PCSK9: variants seen among roughly 807,000 people sequenced by gnomAD.
PCSK9 encodes the protein proprotein convertase subtilisin/kexin type 9, also known as convertase subtilisin/kexin type 9 preproprotein.
A neutral mutation model predicts 62.1 loss-of-function variants in PCSK9; 57 were observed. That is an observed-to-expected ratio of 0.92 (90% CI 0.74 to 1.14). The LOEUF (loss-of-function observed/expected upper bound fraction) is 1.14, where lower values mean the gene tolerates loss of function less well. PCSK9 is among the 50% of genes most tolerant of loss of function. The pLI is 0.00. For missense variants in PCSK9, 870 were observed against 959.8 expected, an observed-to-expected ratio of 0.91 and a Z score of 1.24; for synonymous variants, 387 against 409.4, an observed-to-expected ratio of 0.95 and a Z score of 0.66.
intron 5 of PCSK9, among the ~76,000 whole-genome samples, chr1:55,053,535 T>C (rs2100302098): frequency 6.6e-6 from 1 of 151,824 alleles, no homozygotes; most frequent in South Asian, 2.1e-4. Context: ...CTGGGAAAAC[T>C]GTCAGCTCTG....
At chr1:55,063,319 G>T (rs752444294) in intron 11 of PCSK9, 50 bp from the exon 12 acceptor site, 2 of 1,573,122 alleles carry the variant, frequency 1.3e-6, no homozygotes, top group Admixed American at 1.8e-5. Context: ...TGTGGGTGGG[G>T]GTCCCGGGCC....
At position 55,063,913 on chromosome 1, in the gene PCSK9, T is replaced by C. The variant is rs957586588; in HGVS notation, c.*329T>C. On this transcript the variant is annotated 3_prime_UTR_variant, in exon 12 of 12. Coordinates refer to ENST00000302118, the MANE Select transcript of PCSK9 (RefSeq NM_174936.4). ...CGATGTCCGTGGGCAGAATGACTTT[T>C]ATTGAGCTCTTGTTCCGTGCCAGGC... 1 of 400,796 alleles carries C rather than the reference T, an allele frequency of 2.5e-6. No individual in the cohort carries two copies. Among genetic ancestry groups the C allele is most frequent in the African/African-American group, 2.0e-5 (1 of 49,960 alleles). The allele number at this position is 400,796 out of a possible 1,614,324, so 24.8% of individuals were successfully genotyped here.
chr1:55,061,663 G>T, intron 11 of PCSK9, 107 bp downstream of exon 11: 1 of 1,399,698 alleles, frequency 7.1e-7, no homozygotes, highest in South Asian at 1.2e-5. Context: ...TCAGGGTGGC[G>T]GTTTGCCAGG....
At chr1:55,058,355 C>G in intron 8 of PCSK9, 144 bp from the exon 9 acceptor site, 1 of 1,503,686 alleles carries the variant, frequency 6.7e-7, no homozygotes, top group South Asian at 1.2e-5. Context: ...TCTGAAAGGG[C>G]TGTGCAATAT....
intron 1 of PCSK9, among the ~76,000 whole-genome samples, chr1:55,043,352 C>T (rs962897340): frequency 6.6e-6 from 1 of 152,184 alleles, no homozygotes; most frequent in Non-Finnish European, 1.5e-5. Flanking sequence ...GTGGTCTCTA[C>T]AATACAGCAG....
At chr1:55,057,967 G>A in intron 7 of PCSK9, 69 bp from the exon 8 acceptor site, 1 of 1,588,084 alleles carries the variant, frequency 6.3e-7, no homozygotes, top group Non-Finnish European at 8.6e-7. Flanking sequence ...TGTGTGCACT[G>A]GCAGGAGTCC....
Position 55,039,730 on chromosome 1 carries a change from C to G in PCSK9, c.-108C>G. 1 of 1,321,388 alleles carries G rather than the reference C, an allele frequency of 7.6e-7. No individual in the cohort carries two copies. The highest frequency in any genetic ancestry group is 2.6e-4 in the Middle Eastern group (1 of 3,876). 81.9% of individuals were successfully genotyped at this position (1,321,388 alleles called of 1,614,324 possible). A position where few individuals can be genotyped will look rare whatever the true frequency, so the allele number is the denominator to read the frequency against. On this transcript the variant is annotated 5_prime_UTR_variant, in exon 1 of 12. Transcript: ENST00000302118. ...CTTCACGCGCCCTGCTCCTGAACTT[C>G]AGCTCCTGCACAGTCCTCCCCACCG...
chr1:55,060,805 A>C (rs2100335124), intron 10 of PCSK9, among the ~76,000 whole-genome samples: 1 of 152,314 alleles, frequency 6.6e-6, no homozygotes, highest in Non-Finnish European at 1.5e-5. Context: ...CCATGTTCAG[A>C]GCACATGCCA....
chr1:55,060,277 C>T (rs929995430), intron 10 of PCSK9, among the ~76,000 whole-genome samples: 1 of 152,178 alleles, frequency 6.6e-6, no homozygotes, highest in Non-Finnish European at 1.5e-5. Flanking sequence ...AGATGGGGAC[C>T]TCTTGGGGCA....
chr1:55,061,700 T>C, intron 11 of PCSK9, 144 bp downstream of exon 11: 1 of 1,100,022 alleles, frequency 9.1e-7, no homozygotes, highest in East Asian at 2.6e-5. Context: ...CTTCCGCCAT[T>C]GTGTGGACAG....
At chr1:55,055,880 TC>T in intron 5 of PCSK9, 112 bp from the exon 6 acceptor site, 1 of 1,081,038 alleles carries the variant, frequency 9.3e-7, no homozygotes, top group South Asian at 1.8e-5. Context: ...TGACCAAACA[TC>T]AGGCCACAAA....
rs868240958 is a variant in PCSK9 at position 55,056,182 on chromosome 1, C to T, written c.989C>T (p.Ala330Val). ...DDACLYSPAS[A>V]PEVITVGATN... is the part of the protein sequence containing the mutation. ...GCCTGCCTCTACTCCCCAGCCTCAG[C>T]TCCCGAGGTAGGTGCTGGGGCTGCT... The change falls in exon 6 of 12, where the codon GCT becomes GTT. Residue 330 changes from alanine (A) to valine (V), a missense_variant. Coordinates refer to ENST00000302118, the MANE Select transcript of PCSK9 (RefSeq NM_174936.4). 1.4e-6 allele frequency: 2 copies of T among 1,471,824 alleles called. No individual in the cohort carries two copies. The highest frequency in any genetic ancestry group is 1.4e-5 in the South Asian group (1 of 72,112). 91.2% of individuals were successfully genotyped at this position (1,471,824 alleles called of 1,614,324 possible).
Position 55,055,907 on chromosome 1 carries a change from T to A in PCSK9, c.800-86T>A, listed in dbSNP as rs1250211817. ...AGGCCACAAAGTTGATCCCCAAAATTAACCATCACTCTGTGCCTGTAAGGG... is the reference window on the plus strand; with the variant it reads ...AGGCCACAAAGTTGATCCCCAAAATAAACCATCACTCTGTGCCTGTAAGGG... On this transcript the variant is annotated intron_variant, in intron 5 of 11. Coordinates refer to ENST00000302118, the MANE Select transcript of PCSK9 (RefSeq NM_174936.4). 2 of 1,314,218 alleles carry A rather than the reference T, an allele frequency of 1.5e-6. 1 individual carries two copies. The highest frequency in any genetic ancestry group is 2.1e-6 in the Non-Finnish European group (2 of 970,958). The allele number at this position is 1,314,218 out of a possible 1,614,324, so 81.4% of individuals were successfully genotyped here. A position where few individuals can be genotyped will look rare whatever the true frequency, so the allele number is the denominator to read the frequency against.
intron 2 of PCSK9, among the ~76,000 whole-genome samples, chr1:55,046,322 A>G (rs644000): frequency 0.3 from 45,592 of 152,028 alleles, 7,064 homozygotes; most frequent in Non-Finnish European, 0.34. Flanking sequence ...GGGATATGGG[A>G]GTGCTGGGCT....
At position 55,063,660 on chromosome 1, in the gene PCSK9, C is replaced by T. The variant is rs1644780075; in HGVS notation, c.*76C>T. On this transcript the variant is annotated 3_prime_UTR_variant, in exon 12 of 12. Transcript: ENST00000302118. ...GCTTTAAAATGGTTCCGACTTGTCC[C>T]TCTCTCAGCCCTCCATGGCCTGGCA... 4 of 1,465,972 alleles carry T rather than the reference C, an allele frequency of 2.7e-6. No individual in the cohort carries two copies. The highest frequency in any genetic ancestry group is 3.7e-6 in the Non-Finnish European group (4 of 1,087,470). The allele number at this position is 1,465,972 out of a possible 1,614,324, so 90.8% of individuals were successfully genotyped here. A position where few individuals can be genotyped will look rare whatever the true frequency, so the allele number is the denominator to read the frequency against.
intron 6 of PCSK9, among the ~76,000 whole-genome samples, chr1:55,056,459 C>T (rs1644716040): frequency 6.6e-6 from 1 of 152,144 alleles, no homozygotes; most frequent in African/African-American, 2.4e-5. Flanking sequence ...TACGTAGCCA[C>T]GCCCCCACAC....
At chr1:55,056,939 CT>C (rs11310630) in intron 6 of PCSK9, among the ~76,000 whole-genome samples, 131,023 of 152,058 alleles carry the variant, frequency 0.86, 56,511 homozygotes, top group East Asian at 1. Flanking sequence ...TAGGTCCCCC[CT>C]GGCCTATCAA....
Position 55,045,375 on chromosome 1 carries a change from C to G in PCSK9, c.400-1148C>G, listed in dbSNP as rs117004014. 4.5e-4 allele frequency among the ~76,000 whole-genome samples: 69 copies of G among 152,322 alleles called. No individual in the cohort carries two copies. The East Asian group carries it at 0.013, about 28-fold the overall frequency. On this transcript the variant is annotated intron_variant, in intron 2 of 11. Coordinates refer to ENST00000302118, the MANE Select transcript of PCSK9 (RefSeq NM_174936.4). ...ACCTCTCTGAGCCTCATTCCTCTAT[C>G]TGTAAACCAGTTATAATAATTGGAA...
chr1:55,052,881 C>T, intron 5 of PCSK9, 90 bp downstream of exon 5: 2 of 1,590,404 alleles, frequency 1.3e-6, no homozygotes, highest in Non-Finnish European at 8.6e-7. Context: ...CTAATGTCTC[C>T]TAACCAAGAA....
Sources: gnomAD v4.1 joint callset for allele counts (sites outside exome capture counted in the v4.1 genomes callset) on GRCh38, gnomAD v4.1.1 for gene constraint, MANE v1.5 for transcripts, NCBI Gene and HGNC (gene_info 2026-07-23, HGNC 2026-07-21) for gene names.